Variants in SLC35D1 observed in about 807,000 individuals in gnomAD.
SLC35D1 encodes the protein solute carrier family 35 member D1.
Under a neutral mutation model 46.7 loss-of-function variants are expected in SLC35D1, and 31 were observed. That is an observed-to-expected ratio of 0.66 (90% CI 0.50 to 0.90). The LOEUF (loss-of-function observed/expected upper bound fraction) is 0.90. Ranked by LOEUF, SLC35D1 falls within the 40% of genes least tolerant of loss-of-function variation. The pLI, the probability that SLC35D1 is intolerant of heterozygous loss-of-function variation, is 0.00. For synonymous variants in SLC35D1, 195 were observed against 164.6 expected (o/e 1.18, Z -1.41); for missense variants, 397 against 426.2 (o/e 0.93, Z 0.60).
chr1:67,022,866 C>A (rs1442890451), intron 8 of SLC35D1, among the ~76,000 whole-genome samples: 3 of 152,196 alleles, frequency 2.0e-5, no homozygotes, highest in Non-Finnish European at 4.4e-5. Flanking sequence ...CCCTGGCAAC[C>A]TCTGATCTAC....
intron 10 of SLC35D1, among the ~76,000 whole-genome samples, chr1:67,018,981 G>C (rs1033596819): frequency 8.5e-5 from 13 of 152,182 alleles, no homozygotes; most frequent in African/African-American, 3.1e-4. Flanking sequence ...TGTGGAGTTT[G>C]TAAGTAAAAT....
At chr1:67,050,362 T>C (rs1347182334) in intron 5 of SLC35D1, 71 bp downstream of exon 5, 1 of 1,148,696 alleles carries the variant, frequency 8.7e-7, no homozygotes, top group African/African-American at 1.5e-5. Context: ...ACAAATAATT[T>C]AATATCTCAC....
chr1:66,985,185 ATT>A, the SLC35D1 span: 3 of 983,926 alleles, frequency 3.0e-6, no homozygotes, highest in Non-Finnish European at 3.7e-6. Context: ...AGATTTACTA[ATT>A]TTGGTAAATC....
chr1:67,050,410 G>T, intron 5 of SLC35D1, 23 bp downstream of exon 5: 1 of 1,556,570 alleles, frequency 6.4e-7, no homozygotes, highest in Non-Finnish European at 8.9e-7. Flanking sequence ...TTAAAGAACA[G>T]ATATATTAGA....
In SLC35D1 at chr1:67,053,859, C is replaced by T; in HGVS notation, c.155G>A (p.Ser52Asn). ...ATTCACCACCACGATCAGGAAGGAG[C>T]TCACGCCGTAAAAGCCGGCGGCCAG... ...KLLAAGFYGV[S>N]SFLIVVVNKS... The change falls in exon 1 of 12, where the codon AGC becomes AAC. Residue 52 changes from serine to asparagine, a missense_variant. Physicochemically the swap from Ser to Asn is conservative, Grantham distance 46. Coordinates refer to ENST00000235345, the MANE Select transcript of SLC35D1 (RefSeq NM_015139.3). 1 of 1,613,568 alleles carries T rather than the reference C, an allele frequency of 6.2e-7. No individual in the cohort carries two copies. The highest frequency in any genetic ancestry group is 8.5e-7 in the Non-Finnish European group (1 of 1,179,618).
intron 3 of SLC35D1, 144 bp downstream of exon 3, chr1:67,052,627 A>T: frequency 1.3e-6 from 1 of 741,586 alleles, no homozygotes; most frequent in Non-Finnish European, 2.3e-6. Context: ...ACATATTACT[A>T]CTTTTATTCT....
At chr1:66,994,861 T>C (rs1667221360), downstream of SLC35D1, among the ~76,000 whole-genome samples, 1 of 145,944 alleles carries the variant, frequency 6.9e-6, no homozygotes, top group South Asian at 2.1e-4. Context: ...AAATGCTTAA[T>C]TAAAAAAATG....
chr1:67,004,490 G>T (rs761085366), intron 11 of SLC35D1, 42 bp from the exon 12 acceptor site: 1 of 1,555,454 alleles, frequency 6.4e-7, no homozygotes, highest in Non-Finnish European at 8.9e-7. Flanking sequence ...AGGAAGGGAG[G>T]GTTTTAGTGT....
chr1:66,998,451 C>T (rs1234591305), downstream of SLC35D1, among the ~76,000 whole-genome samples: 1 of 152,020 alleles, frequency 6.6e-6, no homozygotes, highest in East Asian at 1.9e-4. Flanking sequence ...CAAGATGGTG[C>T]CACTGCACTC....
the SLC35D1 span, among the ~76,000 whole-genome samples, chr1:66,982,651 G>C: frequency 1.3e-5 from 2 of 152,226 alleles, no homozygotes; most frequent in African/African-American, 4.8e-5. Flanking sequence ...GGTGATAGGA[G>C]AGTACCAGTG....
At chr1:67,004,575 T>C in intron 11 of SLC35D1, 127 bp from the exon 12 acceptor site, 1 of 735,226 alleles carries the variant, frequency 1.4e-6, no homozygotes, top group Non-Finnish European at 2.4e-6. Context: ...GGGAAATTCA[T>C]ACAATGAAGT....
intron 8 of SLC35D1, among the ~76,000 whole-genome samples, chr1:67,025,970 A>G (rs1667906074): frequency 6.6e-6 from 1 of 152,134 alleles, no homozygotes; most frequent in South Asian, 2.1e-4. Context: ...ATATATCATC[A>G]TGTTTTTAAT....
At chr1:67,035,224 G>C (rs1034521313) in intron 8 of SLC35D1, among the ~76,000 whole-genome samples, 1 of 152,070 alleles carries the variant, frequency 6.6e-6, no homozygotes, top group Non-Finnish European at 1.5e-5. Context: ...AATGAATTTG[G>C]AAGTATGCCC....
At chr1:67,028,250 C>T (rs1264736902) in intron 8 of SLC35D1, among the ~76,000 whole-genome samples, 4 of 152,058 alleles carry the variant, frequency 2.6e-5, no homozygotes, top group African/African-American at 9.7e-5. Flanking sequence ...CATTTTATGG[C>T]CCAGAATATA....
At chr1:66,976,570 A>T in the SLC35D1 span, 1 of 1,537,160 alleles carries the variant, frequency 6.5e-7, no homozygotes, top group Non-Finnish European at 8.7e-7. Context: ...GGAGATTCTT[A>T]AAAGCAAGCA....
intron 8 of SLC35D1, among the ~76,000 whole-genome samples, chr1:67,022,288 T>A (rs1033076519): frequency 6.6e-6 from 1 of 152,206 alleles, no homozygotes; most frequent in African/African-American, 2.4e-5. Context: ...TGACAAACAT[T>A]CCACCTTTTT....
At chr1:66,979,156 C>T in the SLC35D1 span, among the ~76,000 whole-genome samples, 882 of 151,952 alleles carry the variant, frequency 5.8e-3, 7 homozygotes, top group African/African-American at 0.02. Context: ...TGAGACTCTT[C>T]CCTTTTAGCT....
the SLC35D1 span, among the ~76,000 whole-genome samples, chr1:66,988,813 G>A: frequency 3.9e-5 from 6 of 152,134 alleles, no homozygotes; most frequent in East Asian, 3.9e-4. Context: ...CAAATATTTC[G>A]GCCTATACTT....
chr1:67,043,205 A>C (rs1391471078), intron 7 of SLC35D1, among the ~76,000 whole-genome samples: 2 of 143,704 alleles, frequency 1.4e-5, no homozygotes, highest in Admixed American at 7.0e-5. Context: ...CAAAAAAAAA[A>C]ACAAAAAAAC....
Sources: allele counts gnomAD v4.1 joint callset (sites outside exome capture counted in the v4.1 genomes callset), GRCh38; gene constraint gnomAD v4.1.1; transcripts MANE v1.5; gene names NCBI Gene and HGNC (gene_info 2026-07-23, HGNC 2026-07-21).